ANK1: variants seen among roughly 807,000 people sequenced by gnomAD.
The protein encoded by ANK1 is ankyrin-1.
A neutral mutation model predicts 210.4 loss-of-function variants in ANK1; 51 were observed. The observed-to-expected ratio is 0.24, with a 90% CI of 0.19 to 0.31. ANK1 has a LOEUF of 0.31. Ranked by LOEUF, ANK1 falls within the 10% of genes least tolerant of loss-of-function variation. ANK1 has a pLI of 1.00. For synonymous variants in ANK1, 967 were observed against 1,025.9 expected, an observed-to-expected ratio of 0.94 and a Z score of 1.10; for missense variants, 2,051 against 2,504.4, an observed-to-expected ratio of 0.82 and a Z score of 3.86.
At chr8:41,693,693 G>A (rs759067287) in intron 29 of ANK1, among the ~76,000 whole-genome samples, 31 of 152,038 alleles carry the variant, frequency 2.0e-4, no homozygotes, top group Non-Finnish European at 4.6e-4. Context: ...CCAAAGTGCT[G>A]GGATTACAGG....
intron 39 of ANK1, among the ~76,000 whole-genome samples, chr8:41,667,935 C>T (rs1281985138): frequency 5.9e-5 from 9 of 152,266 alleles, no homozygotes; most frequent in South Asian, 2.1e-4. Context: ...CTTTCTAAAA[C>T]GCGACAGAAC....
intron 1 of ANK1, among the ~76,000 whole-genome samples, chr8:41,795,360 T>C (rs1159661662): frequency 1.3e-5 from 2 of 151,812 alleles, no homozygotes; most frequent in African/African-American, 4.8e-5. Flanking sequence ...AATACAAAAA[T>C]TATCCAAGCA....
chr8:41,693,244 T>C (rs1341134691), intron 29 of ANK1, 43 bp from the exon 30 acceptor site: 1 of 1,494,596 alleles, frequency 6.7e-7, no homozygotes, highest in Non-Finnish European at 9.3e-7. Flanking sequence ...GTCTTCAGGA[T>C]GTAAGCATGG....
intron 1 of ANK1, among the ~76,000 whole-genome samples, chr8:41,833,431 A>C (rs1807048425): frequency 2.6e-5 from 4 of 152,214 alleles, no homozygotes; most frequent in African/African-American, 9.7e-5. Context: ...TTAACAAAGG[A>C]AAAATCTGTC....
At chr8:41,713,015 C>T (rs1016561413) in intron 16 of ANK1, among the ~76,000 whole-genome samples, 1 of 152,172 alleles carries the variant, frequency 6.6e-6, no homozygotes, top group Non-Finnish European at 1.5e-5. Flanking sequence ...TGTAGAAGAG[C>T]GATGCTGCAA....
At chr8:41,822,123 AG>A (rs879836169) in intron 1 of ANK1, among the ~76,000 whole-genome samples, 26,311 of 58,756 alleles carry the variant, frequency 0.45, 3,190 homozygotes, top group Admixed American at 0.5. Flanking sequence ...AGAAAGAAAG[AG>A]AAAGAAAGAG....
intron 1 of ANK1, among the ~76,000 whole-genome samples, chr8:41,781,971 G>A (rs973857326): frequency 2.6e-5 from 4 of 152,214 alleles, no homozygotes; most frequent in Non-Finnish European, 4.4e-5. Flanking sequence ...GGGACAGAGC[G>A]CCAAGAAACA....
intron 36 of ANK1, among the ~76,000 whole-genome samples, chr8:41,684,988 C>G (rs560956163): frequency 6.6e-6 from 1 of 152,264 alleles, no homozygotes; most frequent in East Asian, 1.9e-4. Flanking sequence ...GGCTGGAGTG[C>G]AATGGGGCAA....
chr8:41,727,225 G>A (rs370838535), intron 5 of ANK1, 25 bp downstream of exon 5: 30 of 1,590,056 alleles, frequency 1.9e-5, no homozygotes, highest in Non-Finnish European at 2.4e-5. Context: ...TTCTGGTGGT[G>A]ACGACATTTT....
At chr8:41,869,379 T>C (rs530903702) in intron 1 of ANK1, among the ~76,000 whole-genome samples, 23 of 152,238 alleles carry the variant, frequency 1.5e-4, no homozygotes, top group African/African-American at 5.3e-4. Context: ...CTTAATTCAG[T>C]CATTCTGAGG....
rs1160555261 is a variant in ANK1, at chr8:41,690,276, G to C, written c.4055C>G (p.Thr1352Ser). Residue 1352 changes from threonine to serine, a missense_variant, in exon 33 of 43, where the codon ACC becomes AGC. Physicochemically the swap from Thr to Ser is moderately conservative, Grantham distance 58 (BLOSUM62 1). Around this residue, in one of 6 missense-constraint regions of ANK1, gnomAD observed 1,413 missense variants for 1,707.4 expected, o/e 0.83. Transcript: ENST00000289734. ...GTTCAGGTGGCAGAGAATGTGCTGGGTGTCCTCGTACTTCATCGCCTTGCG... is the reference window on the plus strand; with the variant it reads ...GTTCAGGTGGCAGAGAATGTGCTGGCTGTCCTCGTACTTCATCGCCTTGCG... ...FLRKAMKYED[T>S]QHILCHLNIT... 2.5e-6 allele frequency: 4 copies of C among 1,614,232 alleles called. No individual in the cohort carries two copies. Among genetic ancestry groups the C allele is most frequent in the Admixed American group, 3.3e-5 (2 of 60,028 alleles).
At chr8:41,695,726 C>A (rs763244015) in intron 26 of ANK1, among the ~76,000 whole-genome samples, 1 of 152,254 alleles carries the variant, frequency 6.6e-6, no homozygotes, top group African/African-American at 2.4e-5. Context: ...GAAACGTCAA[C>A]GAGAAAACTT....
chr8:41,789,254 C>A (rs1174110950), intron 1 of ANK1: 2 of 152,204 alleles, frequency 1.3e-5, no homozygotes, highest in African/African-American at 4.8e-5. Flanking sequence ...CTTTAAATTT[C>A]CAGAGTTCTT....
Position 41,748,201 on chromosome 8 carries a change from A to G in ANK1, c.129+9835T>C, listed in dbSNP as rs117252645. ...ACTCTTCTCCCAGGTGAGGGCTCCA[A>G]TGAAACGTTCTTTCTTCCTCATCCC... On this transcript the variant is annotated intron_variant, in intron 2 of 42. Transcript: ENST00000289734. 1.0e-3 allele frequency among the ~76,000 whole-genome samples: 158 copies of G among 152,354 alleles called. 2 individuals are homozygous for G. In the East Asian group the frequency reaches 0.027, roughly 26 times the overall value.
At chr8:41,822,081 AGAGAGAGAG>A (rs1804393122) in intron 1 of ANK1, among the ~76,000 whole-genome samples, 7 of 39,680 alleles carry the variant, frequency 1.8e-4, no homozygotes, top group African/African-American at 9.0e-4. Flanking sequence ...AGAGAGAGAG[AGAGAGAGAG>A]AGAGAGAGAG....
intron 34 of ANK1, 21 bp downstream of exon 34, chr8:41,688,490 A>G (rs369456255): frequency 1.9e-6 from 3 of 1,612,020 alleles, no homozygotes; most frequent in Middle Eastern, 1.7e-4. Context: ...GCAAGCATGC[A>G]TCATCACACA....
chr8:41,838,467 T>C (rs1162905446), intron 1 of ANK1, among the ~76,000 whole-genome samples: 1 of 152,188 alleles, frequency 6.6e-6, no homozygotes, highest in African/African-American at 2.4e-5. Context: ...AAAGTGATTG[T>C]TAAAGATGTA....
chr8:41,706,914 C>T (rs959627828), intron 17 of ANK1, among the ~76,000 whole-genome samples: 1 of 152,136 alleles, frequency 6.6e-6, no homozygotes, highest in Admixed American at 6.5e-5. Flanking sequence ...GCCTGGCCAA[C>T]ATGGTGAGAC....
At chr8:41,693,005 A>T in intron 30 of ANK1, 100 bp downstream of exon 30, 1 of 1,514,574 alleles carries the variant, frequency 6.6e-7, no homozygotes, top group Non-Finnish European at 9.2e-7. Context: ...AGGCTTCCAC[A>T]TGGAGGGGAC....
Sources: gnomAD v4.1 joint callset for allele counts (sites outside exome capture counted in the v4.1 genomes callset) on GRCh38, gnomAD v4.1.1 for gene constraint, gnomAD v4.1.1 regional missense constraint, MANE v1.5 for transcripts, NCBI Gene and HGNC (gene_info 2026-07-23, HGNC 2026-07-21) for gene names.